The following PAK4 variants were observed in gnomAD, a reference collection of about 807,000 sequenced individuals.
The protein encoded by PAK4 is p21 (RAC1) activated kinase 4.
Under a neutral mutation model 53.5 loss-of-function variants are expected in PAK4, and 49 were observed. That is an observed-to-expected ratio of 0.92 (90% CI 0.73 to 1.16). The LOEUF (loss-of-function observed/expected upper bound fraction) is 1.16. Ranked by LOEUF, PAK4 falls within the 50% of genes most tolerant of loss-of-function variation. The probability of loss-of-function intolerance (pLI) is 0.00; values close to 1 mark genes in which losing one functional copy is unlikely to be tolerated. For missense variants in PAK4, 824 were observed against 850.7 expected, an observed-to-expected ratio of 0.97 and a Z score of 0.39; for synonymous variants, 376 against 375.6, an observed-to-expected ratio of 1.00 and a Z score of -0.01.
intron 1 of PAK4, among the ~76,000 whole-genome samples, chr19:39,166,540 A>T (rs1182041133): frequency 6.6e-6 from 1 of 152,264 alleles, no homozygotes; most frequent in Non-Finnish European, 1.5e-5. Flanking sequence ...TTGCTCACCC[A>T]GGGCCACATA....
At chr19:39,158,863 T>G (rs2074237798) in intron 1 of PAK4, among the ~76,000 whole-genome samples, 1 of 152,046 alleles carries the variant, frequency 6.6e-6, no homozygotes, top group Non-Finnish European at 1.5e-5. Flanking sequence ...CTGGAGAAGG[T>G]AAGACTAGCA....
chr19:39,163,895 T>A (rs1306943017), intron 1 of PAK4, among the ~76,000 whole-genome samples: 1 of 152,206 alleles, frequency 6.6e-6, no homozygotes, highest in Admixed American at 6.5e-5. Context: ...CCCTACTGTG[T>A]GCTGCCCTGG....
chr19:39,178,674 C>A lies in PAK4; in HGVS notation c.*95C>A. ...GCCAGGCCTCCCACTCCTCCCAGCC[C>A]GGGAGATGCTCCGCGTGGCACCACC... On this transcript the variant is annotated 3_prime_UTR_variant, in exon 9 of 9. Transcript: ENST00000358301. The surrounding 1 kb of genome is among the most constrained non-coding windows in gnomAD (Gnocchi z 4.4). The A allele has an allele frequency of 8.6e-7, 1 of 1,164,498 alleles. No individual in the cohort carries two copies. The highest frequency in any genetic ancestry group is 1.2e-6 in the Non-Finnish European group (1 of 829,148). 72.1% of individuals were successfully genotyped at this position (1,164,498 alleles called of 1,614,324 possible). A position where few individuals can be genotyped will look rare whatever the true frequency, so the allele number is the denominator to read the frequency against.
chr19:39,140,352 C>T (rs930711188), intron 1 of PAK4, among the ~76,000 whole-genome samples: 3 of 152,108 alleles, frequency 2.0e-5, no homozygotes, highest in Non-Finnish European at 2.9e-5. Context: ...GCTCCTGACA[C>T]GTGGAGTCTG....
chr19:39,179,495 C>T (rs1384318854), downstream of PAK4: 3 of 152,112 alleles, frequency 2.0e-5, no homozygotes, highest in East Asian at 5.8e-4. Flanking sequence ...TGGGAGCAAA[C>T]CACGATTCCA....
rs375385610 is a variant in PAK4, at chr19:39,177,819, T to G, written c.1620+10T>G. ...GAAGAACCTGCACAAGGTAGGCCCC[T>G]CCCTGGCTGGGAAACTGTGCGCCAG... On this transcript the variant is annotated intron_variant, in intron 8 of 8. Coordinates refer to ENST00000358301, the Ensembl canonical transcript of PAK4. 1.0e-5 allele frequency: 16 copies of G among 1,599,244 alleles called. No homozygotes were observed. Among genetic ancestry groups the G allele is most frequent in the Non-Finnish European group, 1.4e-5 (16 of 1,172,152 alleles).
At chr19:39,142,228 G>A (rs1431850239) in intron 1 of PAK4, among the ~76,000 whole-genome samples, 9 of 152,160 alleles carry the variant, frequency 5.9e-5, no homozygotes, top group Non-Finnish European at 1.2e-4. Context: ...GCAGTCTGGG[G>A]CCAGCTGATA....
chr19:39,126,422 A>G (rs1181898005), intron 1 of PAK4, among the ~76,000 whole-genome samples: 1 of 76,716 alleles, frequency 1.3e-5, no homozygotes, highest in Admixed American at 2.1e-4. Context: ...ATTAAAACCC[A>G]AGGAGGGCGT....
intron 1 of PAK4, among the ~76,000 whole-genome samples, chr19:39,155,459 C>T (rs1318766027): frequency 6.6e-6 from 1 of 152,016 alleles, no homozygotes; most frequent in Non-Finnish European, 1.5e-5. Context: ...GCAGGGAGGG[C>T]TTCGTGGAGG....
In PAK4 at chr19:39,156,156, G is replaced by A. The variant is rs549144283; in HGVS notation, c.-22-13376G>A. Among the ~76,000 whole-genome samples the A allele has an allele frequency of 3.4e-4, 52 of 152,298 alleles. 2 individuals are homozygous for A. The South Asian group carries it at 9.3e-3, about 27-fold the overall frequency. ...CTCAGATTCCTCCTCATGGGTGAGG[G>A]GGGCAGAGTGGCCCCTTTCCTCCAG... On this transcript the variant is annotated intron_variant, in intron 1 of 8. Coordinates refer to ENST00000358301, the Ensembl canonical transcript of PAK4.
At chr19:39,132,480 C>T (rs78825085) in intron 1 of PAK4, among the ~76,000 whole-genome samples, 21 of 152,264 alleles carry the variant, frequency 1.4e-4, no homozygotes, top group African/African-American at 4.6e-4. Context: ...CTGTGCTTTG[C>T]GTTTCCCACT....
intron 1 of PAK4, among the ~76,000 whole-genome samples, chr19:39,130,477 G>A (rs1205558497): frequency 6.6e-6 from 1 of 152,016 alleles, no homozygotes; most frequent in Non-Finnish European, 1.5e-5. Flanking sequence ...ACATATGAGC[G>A]AGGCTGGAAG....
chr19:39,170,575 C>T (rs944948289), intron 2 of PAK4, among the ~76,000 whole-genome samples: 1 of 152,226 alleles, frequency 6.6e-6, no homozygotes, highest in African/African-American at 2.4e-5. Context: ...GGACTCTCTC[C>T]CATGGTCAGT....
intron 1 of PAK4, among the ~76,000 whole-genome samples, chr19:39,147,175 T>TC (rs1487757302): frequency 1.1e-4 from 16 of 152,058 alleles, no homozygotes; most frequent in African/African-American, 3.9e-4. Flanking sequence ...CCCCTGCCCA[T>TC]CCCTAACCTC....
rs113335516 is a variant in PAK4 at position 39,178,675 on chromosome 19, G to A, written c.*96G>A. 4,386 of 1,166,366 alleles carry A rather than the reference G, an allele frequency of 3.8e-3. 144 individuals carry two copies. In the African/African-American group the frequency reaches 0.062, roughly 17 times the overall value. 72.3% of individuals were successfully genotyped at this position (1,166,366 alleles called of 1,614,324 possible). On this transcript the variant is annotated 3_prime_UTR_variant, in exon 9 of 9. Transcript: ENST00000358301. This position sits in a 1 kb window ranked among gnomAD's most constrained non-coding sequence, Gnocchi z 4.4. ...CCAGGCCTCCCACTCCTCCCAGCCC[G>A]GGAGATGCTCCGCGTGGCACCACCC...
chr19:39,163,869 G>C (rs1354878332), intron 1 of PAK4, among the ~76,000 whole-genome samples: 1 of 152,160 alleles, frequency 6.6e-6, no homozygotes, highest in Non-Finnish European at 1.5e-5. Flanking sequence ...GGACAGGGAC[G>C]ATCATTCCAC....
intron 1 of PAK4, among the ~76,000 whole-genome samples, chr19:39,129,883 C>T (rs572554535): frequency 3.9e-5 from 6 of 152,212 alleles, no homozygotes; most frequent in East Asian, 3.9e-4. Context: ...GCAGGGAGGA[C>T]GGAGGTGAAA....
chr19:39,132,986 A>G (rs1330537303), intron 1 of PAK4, among the ~76,000 whole-genome samples: 1 of 152,224 alleles, frequency 6.6e-6, no homozygotes, highest in Non-Finnish European at 1.5e-5. Flanking sequence ...ACTTTCTCTG[A>G]GAAGGGGAAA....
At chr19:39,127,539 C>T (rs879551666) in intron 1 of PAK4, among the ~76,000 whole-genome samples, 3 of 152,144 alleles carry the variant, frequency 2.0e-5, no homozygotes, top group Non-Finnish European at 2.9e-5. Context: ...TGCCTCGGTC[C>T]CCACTGAAGC....
Sources: allele counts gnomAD v4.1 joint callset (sites outside exome capture counted in the v4.1 genomes callset), GRCh38; gene constraint gnomAD v4.1.1; non-coding constraint Gnocchi (gnomAD v3.1); transcripts MANE v1.5; gene names NCBI Gene and HGNC (gene_info 2026-07-23, HGNC 2026-07-21).